DDHD1: variants seen among roughly 807,000 people sequenced by gnomAD.
DDHD1 encodes the protein DDHD domain containing 1.
Under a neutral mutation model 96.4 loss-of-function variants are expected in DDHD1, and 49 were observed. The ratio of observed to expected loss-of-function variants is 0.51; its 90% CI spans 0.40 to 0.64. DDHD1 has a LOEUF of 0.64. Among genes scored for constraint, DDHD1 ranks in the 30% least tolerant of loss-of-function variants. DDHD1 has a pLI of 0.00. For synonymous variants in DDHD1, 442 were observed against 446.5 expected (o/e 0.99, Z 0.13); for missense variants, 1,106 against 1,161.2 (o/e 0.95, Z 0.69).
intron 1 of DDHD1, among the ~76,000 whole-genome samples, chr14:53,123,375 T>C (rs756558203): frequency 1.3e-5 from 2 of 151,806 alleles, no homozygotes; most frequent in Non-Finnish European, 1.5e-5. Flanking sequence ...CTTAAACTGC[T>C]GACCTTAGGT....
intron 2 of DDHD1, among the ~76,000 whole-genome samples, chr14:53,094,050 G>A (rs536196477): frequency 2.0e-5 from 3 of 152,156 alleles, no homozygotes; most frequent in East Asian, 1.9e-4. Context: ...GGTGGCGGGC[G>A]CCTGTAGTCC....
rs555172545 is a variant in DDHD1, at chr14:53,047,350, G to A, written c.2522-401C>T. Among the ~76,000 whole-genome samples the A allele has an allele frequency of 7.9e-5, 12 of 152,282 alleles. No homozygotes were observed. In the South Asian group the frequency reaches 2.1e-3, roughly 26 times the overall value. On this transcript the variant is annotated intron_variant, in intron 12 of 12. Coordinates refer to ENST00000673822, the MANE Select transcript of DDHD1 (RefSeq NM_001160148.2). The stretch of plus-strand genomic sequence containing the variant: ...GCCAGGCTTGCATGCAATGATGCCC[G>A]TGGGAGTGCAAGAGATCATTCAATC...
intron 4 of DDHD1, among the ~76,000 whole-genome samples, chr14:53,090,574 T>C (rs913106928): frequency 6.6e-6 from 1 of 152,178 alleles, no homozygotes; most frequent in African/African-American, 2.4e-5. Flanking sequence ...GTCCTTTGTA[T>C]GGACATGGAT....
Position 53,093,384 on chromosome 14 carries a change from T to C in DDHD1, c.1073A>G (p.Tyr358Cys). ...HVDWHSVDEV[Y>C]LYSDATTSKI... ...AGATGTTGTTGCATCACTATAAAGA[T>C]ATACTTCATCCACACTGTGCCAGTC... Residue 358 changes from tyrosine (Y) to cysteine (C), a missense_variant, in exon 3 of 13, where the codon TAT (tyrosine) becomes TGT (cysteine). Physicochemically the swap from Tyr to Cys is radical, Grantham distance 194. This residue lies in a region of DDHD1 where 650 missense variants were observed against 758.8 expected (regional missense o/e 0.86). Coordinates refer to ENST00000673822, the MANE Select transcript of DDHD1 (RefSeq NM_001160148.2). 1 of 1,613,196 alleles carries C rather than the reference T, an allele frequency of 6.2e-7. No homozygotes were observed.
At chr14:53,110,976 C>A (rs570553742) in intron 1 of DDHD1, among the ~76,000 whole-genome samples, 24 of 151,826 alleles carry the variant, frequency 1.6e-4, no homozygotes, top group Admixed American at 5.2e-4. Flanking sequence ...AGCGAGAGTC[C>A]GTCTCAAAAA....
At chr14:53,142,002 T>C (rs562257681) in intron 1 of DDHD1, among the ~76,000 whole-genome samples, 2 of 152,178 alleles carry the variant, frequency 1.3e-5, no homozygotes, top group East Asian at 3.8e-4. Context: ...CTAACACTTA[T>C]TGACCTAGGT....
intron 4 of DDHD1, among the ~76,000 whole-genome samples, chr14:53,077,855 T>C (rs995748899): frequency 1.3e-5 from 2 of 152,152 alleles, no homozygotes; most frequent in Non-Finnish European, 2.9e-5. Flanking sequence ...GATTTGTCTA[T>C]TTTGAACATT....
At chr14:53,145,846 T>G (rs951086450) in intron 1 of DDHD1, among the ~76,000 whole-genome samples, 1 of 152,252 alleles carries the variant, frequency 6.6e-6, no homozygotes, top group African/African-American at 2.4e-5. Flanking sequence ...GAAGAGTTTA[T>G]TTAAACATAC....
intron 1 of DDHD1, among the ~76,000 whole-genome samples, chr14:53,117,011 C>G (rs1023165621): frequency 2.6e-5 from 4 of 152,060 alleles, no homozygotes; most frequent in African/African-American, 9.7e-5. Context: ...AAATAGACTG[C>G]TAGCTAGACT....
chr14:53,076,031 T>C (rs1884930990), intron 4 of DDHD1, among the ~76,000 whole-genome samples: 1 of 152,192 alleles, frequency 6.6e-6, no homozygotes, highest in African/African-American at 2.4e-5. Context: ...GAGATGAATG[T>C]TGTTTTCATG....
Position 53,074,092 on chromosome 14 carries a change from A to T in DDHD1, c.1290-245T>A, listed in dbSNP as rs541356422. Reference sequence around the variant, plus strand: ...TTCTAAGCTTTTACATTATATTCTAAATAATTATATGTAAGAATTTTTAGT... The same window carrying T: ...TTCTAAGCTTTTACATTATATTCTATATAATTATATGTAAGAATTTTTAGT... On this transcript the variant is annotated intron_variant, in intron 4 of 12. Transcript: ENST00000673822. Among the ~76,000 whole-genome samples the T allele has an allele frequency of 2.0e-3, 299 of 152,100 alleles. 2 individuals carry two copies. Among genetic ancestry groups the T allele is most frequent in the Non-Finnish European group, 3.4e-3 (231 of 67,938 alleles).
chr14:53,152,758 G>A lies in DDHD1; in HGVS notation c.341C>T (p.Ser114Phe), dbSNP rs753310279. Residue 114 changes from serine to phenylalanine, a missense_variant, in exon 1 of 13, where the codon TCC becomes TTC. This residue lies in a region of DDHD1 where 456 missense variants were observed against 402.4 expected (regional missense o/e 1.13). Transcript: ENST00000673822. ...SEGESGGGGS[S>F]LSLHPPQQPP... ...CTGCTGCGGCGGGTGCAGCGACAAG[G>A]AGCTGCCGCCGCCGCCGCTCTCACC... 4.6e-5 allele frequency: 70 copies of A among 1,514,140 alleles called. No homozygotes were observed. Among genetic ancestry groups the A allele is most frequent in the Non-Finnish European group, 6.1e-5 (69 of 1,132,032 alleles). The allele number at this position is 1,514,140 out of a possible 1,614,324, so 93.8% of individuals were successfully genotyped here.
chr14:53,101,359 T>C (rs1188459864), intron 2 of DDHD1, among the ~76,000 whole-genome samples: 2 of 152,076 alleles, frequency 1.3e-5, no homozygotes, highest in African/African-American at 4.8e-5. Context: ...ATGTTTAATA[T>C]TGAATAAAAA....
intron 1 of DDHD1, among the ~76,000 whole-genome samples, chr14:53,151,967 G>A (rs1595284702): frequency 3.9e-5 from 6 of 152,138 alleles, no homozygotes; most frequent in Non-Finnish European, 5.9e-5. Flanking sequence ...TAAACCTCGG[G>A]CTGCGGATCC....
At chr14:53,065,959 A>C (rs1344972959) in intron 6 of DDHD1, among the ~76,000 whole-genome samples, 2 of 152,202 alleles carry the variant, frequency 1.3e-5, no homozygotes, top group Non-Finnish European at 2.9e-5. Flanking sequence ...ATAAATATAC[A>C]CAGAATCAAT....
chr14:53,086,081 C>T (rs979192241), intron 4 of DDHD1, among the ~76,000 whole-genome samples: 16 of 151,820 alleles, frequency 1.1e-4, no homozygotes, highest in East Asian at 3.9e-4. Context: ...TGAAATGAAG[C>T]GAAAAGAGAA....
Position 53,140,018 on chromosome 14 carries a change from T to C in DDHD1, c.838+12243A>G, listed in dbSNP as rs372948782. 2.7e-4 allele frequency among the ~76,000 whole-genome samples: 41 copies of C among 152,014 alleles called. No homozygotes were observed. In the East Asian group the frequency reaches 4.6e-3, roughly 17 times the overall value. On this transcript the variant is annotated intron_variant, in intron 1 of 12. Coordinates refer to ENST00000673822, the MANE Select transcript of DDHD1 (RefSeq NM_001160148.2). Reference sequence around the variant, plus strand: ...ATGGAAATAGAAACTACAAGTCAAATAGAAATGCCAGAAACTAGAAAAATG... The same window carrying C: ...ATGGAAATAGAAACTACAAGTCAAACAGAAATGCCAGAAACTAGAAAAATG...
chr14:53,085,048 T>C (rs1350868570), intron 4 of DDHD1, among the ~76,000 whole-genome samples: 1 of 152,240 alleles, frequency 6.6e-6, no homozygotes, highest in Non-Finnish European at 1.5e-5. Context: ...ATCAAACTGC[T>C]AGGCGGCAGC....
At chr14:53,059,396 C>G (rs1348756630) in intron 8 of DDHD1, among the ~76,000 whole-genome samples, 1 of 151,862 alleles carries the variant, frequency 6.6e-6, no homozygotes, top group Non-Finnish European at 1.5e-5. Context: ...AGGCGCCCGC[C>G]ACCACGCCCA....
Sources: allele counts gnomAD v4.1 joint callset (sites outside exome capture counted in the v4.1 genomes callset), GRCh38; gene constraint gnomAD v4.1.1; regional missense constraint gnomAD v4.1.1; transcripts MANE v1.5; gene names NCBI Gene and HGNC (gene_info 2026-07-23, HGNC 2026-07-21).